The following NRXN3 variants were observed in gnomAD, a reference collection of about 807,000 sequenced individuals.
The protein encoded by NRXN3 is neurexin 3, also known as neurexin III.
A neutral mutation model predicts 137.6 loss-of-function variants in NRXN3; 32 were observed. The observed-to-expected ratio is 0.23, with a 90% confidence interval of 0.18 to 0.31. The LOEUF is 0.31. Among genes scored for constraint, NRXN3 ranks in the 10% least tolerant of loss-of-function variants. NRXN3 has a pLI of 1.00. For synonymous variants in NRXN3, 798 were observed against 784.5 expected, an observed-to-expected ratio of 1.02 and a Z score of -0.29; for missense variants, 1,574 against 2,062.5, an observed-to-expected ratio of 0.76 and a Z score of 4.59.
intron 15 of NRXN3, among the ~76,000 whole-genome samples, chr14:79,299,775 G>A (rs1225311835): frequency 6.6e-6 from 1 of 152,040 alleles, no homozygotes. Context: ...TACCTAGATG[G>A]AGGATTCAAG....
At chr14:79,557,501 C>T (rs151197513) in intron 16 of NRXN3, among the ~76,000 whole-genome samples, 73 of 152,222 alleles carry the variant, frequency 4.8e-4, no homozygotes, top group African/African-American at 1.3e-3. Flanking sequence ...ACCACAATAA[C>T]GTGATTATTG....
intron 19 of NRXN3, among the ~76,000 whole-genome samples, chr14:79,759,432 A>G (rs1174090968): frequency 2.0e-5 from 3 of 151,538 alleles, no homozygotes; most frequent in African/African-American, 7.3e-5. Flanking sequence ...TCCTAGGAGT[A>G]TTCAGAGTAA....
intron 4 of NRXN3, among the ~76,000 whole-genome samples, chr14:78,491,149 T>G (rs1261974816): frequency 2.0e-5 from 3 of 152,168 alleles, no homozygotes; most frequent in African/African-American, 7.2e-5. Flanking sequence ...TAAGCTCTCC[T>G]GGAAACTGGT....
At chr14:79,511,428 T>A (rs1311509588) in intron 16 of NRXN3, among the ~76,000 whole-genome samples, 1 of 152,204 alleles carries the variant, frequency 6.6e-6, no homozygotes, top group Non-Finnish European at 1.5e-5. Context: ...GATCCCCATG[T>A]TCTAGGTGCA....
chr14:79,808,255 A>T (rs79668229), intron 20 of NRXN3, among the ~76,000 whole-genome samples: 35,618 of 123,096 alleles, frequency 0.29, 5,485 homozygotes, highest in East Asian at 0.46. Flanking sequence ...AAAAAAAAAA[A>T]ATATATATAT....
At chr14:79,584,396 G>A (rs1185907128) in intron 16 of NRXN3, among the ~76,000 whole-genome samples, 1 of 152,146 alleles carries the variant, frequency 6.6e-6, no homozygotes, top group Non-Finnish European at 1.5e-5. Context: ...CTTCACAGAT[G>A]GGTGTTTATT....
chr14:78,862,033 C>G (rs1212283329), intron 10 of NRXN3, among the ~76,000 whole-genome samples: 1 of 152,018 alleles, frequency 6.6e-6, no homozygotes, highest in Non-Finnish European at 1.5e-5. Flanking sequence ...GTTTACATTC[C>G]AGTTGTACTA....
chr14:79,484,413 C>A (rs540400396), intron 16 of NRXN3, among the ~76,000 whole-genome samples: 1 of 152,130 alleles, frequency 6.6e-6, no homozygotes, highest in African/African-American at 2.4e-5. Flanking sequence ...CCTCCTCCAA[C>A]GCACAAATAT....
At chr14:78,376,730 G>C (rs921837898) in intron 4 of NRXN3, among the ~76,000 whole-genome samples, 2 of 152,166 alleles carry the variant, frequency 1.3e-5, no homozygotes, top group African/African-American at 2.4e-5. Context: ...GAAAGGGGAA[G>C]CCTACAGGAC....
intron 16 of NRXN3, among the ~76,000 whole-genome samples, chr14:79,565,336 T>TACAC (rs745937579): frequency 2.8e-5 from 3 of 108,694 alleles, no homozygotes; most frequent in African/African-American, 1.3e-4. Flanking sequence ...TATATATATA[T>TACAC]ACATATGTGT....
intron 4 of NRXN3, among the ~76,000 whole-genome samples, chr14:78,370,004 A>T (rs905969805): frequency 2.6e-5 from 4 of 151,652 alleles, no homozygotes; most frequent in Non-Finnish European, 5.9e-5. Context: ...ATGGCAAATT[A>T]GGGTATTTGA....
chr14:78,791,559 A>C (rs2098805160), intron 8 of NRXN3, among the ~76,000 whole-genome samples: 1 of 152,198 alleles, frequency 6.6e-6, no homozygotes, highest in Non-Finnish European at 1.5e-5. Flanking sequence ...AACTTAGTAC[A>C]TATTCTTACC....
Position 78,868,283 on chromosome 14 carries a change from G to A in NRXN3, c.2275+57939G>A, listed in dbSNP as rs2099092508. Among the ~76,000 whole-genome samples the A allele has an allele frequency of 1.3e-5, 2 of 151,928 alleles. 1 individual carries two copies. Among genetic ancestry groups the A allele is most frequent in the South Asian group, 4.1e-4 (2 of 4,820 alleles). On this transcript the variant is annotated intron_variant, in intron 10 of 20. Transcript: ENST00000335750. ...TCAGTAGTAACTTGATTAAATATTA[G>A]TTCCTTTTTTCCTAATTCCCACCCC...
At chr14:78,706,147 C>A (rs935040975) in intron 6 of NRXN3, among the ~76,000 whole-genome samples, 1 of 152,106 alleles carries the variant, frequency 6.6e-6, no homozygotes, top group Non-Finnish European at 1.5e-5. Flanking sequence ...TTGGGATGAC[C>A]TATTGTTATA....
intron 4 of NRXN3, among the ~76,000 whole-genome samples, chr14:78,580,646 G>A (rs545537282): frequency 1.1e-4 from 17 of 152,300 alleles, no homozygotes; most frequent in African/African-American, 3.8e-4. Context: ...ACCCACTACA[G>A]ACTCATTGGA....
chr14:78,955,022 C>T (rs537924850), intron 10 of NRXN3, among the ~76,000 whole-genome samples: 7 of 152,164 alleles, frequency 4.6e-5, no homozygotes, highest in South Asian at 2.1e-4. Flanking sequence ...AGTCATTTTC[C>T]GCTTATCTTG....
At chr14:78,463,471 C>T (rs1024275232) in intron 4 of NRXN3, among the ~76,000 whole-genome samples, 2 of 151,602 alleles carry the variant, frequency 1.3e-5, no homozygotes, top group East Asian at 1.9e-4. Flanking sequence ...TGAGAAATCT[C>T]CATACTATTT....
chr14:78,630,827 G>A (rs1317546760), intron 4 of NRXN3, among the ~76,000 whole-genome samples: 1 of 152,048 alleles, frequency 6.6e-6, no homozygotes, highest in African/African-American at 2.4e-5. Context: ...GGATGGTCTC[G>A]ATCTCCTGAC....
At chr14:79,627,978 C>T (rs948103237) in intron 16 of NRXN3, among the ~76,000 whole-genome samples, 1 of 151,926 alleles carries the variant, frequency 6.6e-6, no homozygotes, top group Non-Finnish European at 1.5e-5. Context: ...TGGATTTCAG[C>T]CTCTTTCTTA....
Sources: allele counts gnomAD v4.1 joint callset (sites outside exome capture counted in the v4.1 genomes callset), GRCh38; gene constraint gnomAD v4.1.1; transcripts MANE v1.5; gene names NCBI Gene and HGNC (gene_info 2026-07-23, HGNC 2026-07-21).